ALMS1: variants seen among roughly 807,000 people sequenced by gnomAD.
ALMS1 encodes centrosome-associated protein ALMS1.
Under a neutral mutation model 352.2 loss-of-function variants are expected in ALMS1, and 271 were observed. That is an observed-to-expected ratio of 0.77 (90% confidence interval 0.70 to 0.85). The LOEUF is 0.85. Ranked by LOEUF, ALMS1 falls within the 40% of genes least tolerant of loss-of-function variation. The pLI is 0.00. For missense variants in ALMS1, 5,445 were observed against 4,870.7 expected (o/e 1.12, Z -3.51); for synonymous variants, 1,865 against 1,761.2 (o/e 1.06, Z -1.48).
At chr2:73,412,532 G>C (rs1039092135) in intron 2 of ALMS1, among the ~76,000 whole-genome samples, 1 of 152,184 alleles carries the variant, frequency 6.6e-6, no homozygotes, top group Non-Finnish European at 1.5e-5. Flanking sequence ...GCTCACGCCT[G>C]TAATCCCAGC....
rs1163258474 is a variant in ALMS1, at chr2:73,395,078, ATT to A, written c.324+8906_324+8907del. ...TATATGTGTATATATATATATATAT[ATT>A]TTTTTTTTTTTTTTTTTTTGAGACA... On this transcript the variant is annotated intron_variant, in intron 1 of 22. Transcript: ENST00000613296. Among the ~76,000 whole-genome samples, 304 of 101,282 alleles carry A rather than the reference ATT, an allele frequency of 3.0e-3. 1 individual carries two copies. Among genetic ancestry groups the A allele is most frequent in the African/African-American group, 0.011 (225 of 21,084 alleles). 66.4% of individuals were successfully genotyped at this position (101,282 alleles called of 152,430 possible). A position where few individuals can be genotyped will look rare whatever the true frequency, so the allele number is the denominator to read the frequency against.
chr2:73,484,624 C>T (rs1672785865), intron 9 of ALMS1, among the ~76,000 whole-genome samples: 1 of 151,728 alleles, frequency 6.6e-6, no homozygotes, highest in Non-Finnish European at 1.5e-5. Flanking sequence ...GTTGGCCTGC[C>T]TTGCTAGATT....
chr2:73,606,044 A>C (rs1675810224), intron 21 of ALMS1, among the ~76,000 whole-genome samples: 1 of 152,156 alleles, frequency 6.6e-6, no homozygotes. Flanking sequence ...ACAGAAGCAG[A>C]TACAAGTCCA....
chr2:73,545,923 G>A (rs1341455708), intron 12 of ALMS1, among the ~76,000 whole-genome samples: 1 of 152,126 alleles, frequency 6.6e-6, no homozygotes, highest in Non-Finnish European at 1.5e-5. Flanking sequence ...TTGTAGTGTA[G>A]GCATCTTATC....
intron 1 of ALMS1, 89 bp downstream of exon 1, chr2:73,386,281 C>G: frequency 7.1e-7 from 1 of 1,408,654 alleles, no homozygotes; most frequent in African/African-American, 1.5e-5. Context: ...CAGGTCACGC[C>G]GCCTGACGGA....
At chr2:73,459,937 C>T (rs753656648) in intron 9 of ALMS1, among the ~76,000 whole-genome samples, 7 of 152,062 alleles carry the variant, frequency 4.6e-5, no homozygotes, top group Non-Finnish European at 7.4e-5. Context: ...CACGCACCCC[C>T]CTCTCCCCTG....
At chr2:73,467,218 G>T (rs983366467) in intron 9 of ALMS1, among the ~76,000 whole-genome samples, 5 of 152,092 alleles carry the variant, frequency 3.3e-5, no homozygotes, top group African/African-American at 1.2e-4. Flanking sequence ...CAGTGGAAGA[G>T]GGTATTTCGG....
intron 9 of ALMS1, among the ~76,000 whole-genome samples, chr2:73,479,656 C>G (rs2103861274): frequency 6.6e-6 from 1 of 152,264 alleles, no homozygotes; most frequent in African/African-American, 2.4e-5. Context: ...CAGTTTTTGG[C>G]TTTACCAGTA....
In ALMS1 at chr2:73,602,260, C is replaced by CAGGAG; in HGVS notation, c.12195_12199dup (p.Lys4067ArgfsTer51). ...GATAAAGCGCCTGAAGTTAATAGTC[C>CAGGAG]AGGAGAGGAAGCTGCAGAGCATGTT... is the stretch of plus-strand genomic sequence containing the variant. On this transcript the variant is annotated frameshift_variant, in exon 20 of 23. Coordinates refer to ENST00000613296, the MANE Select transcript of ALMS1 (RefSeq NM_001378454.1). LOFTEE classifies it high-confidence loss of function. The CAGGAG allele has an allele frequency of 6.2e-7, 1 of 1,614,100 alleles. No individual in the cohort carries two copies. The highest frequency in any genetic ancestry group is 8.5e-7 in the Non-Finnish European group (1 of 1,180,010).
At chr2:73,479,631 A>G (rs774332993) in intron 9 of ALMS1, among the ~76,000 whole-genome samples, 26 of 152,208 alleles carry the variant, frequency 1.7e-4, no homozygotes, top group Non-Finnish European at 3.2e-4. Context: ...ATTGAAGGAC[A>G]TCTTGGTTGT....
chr2:73,608,119 A>G (rs932970002), intron 21 of ALMS1, among the ~76,000 whole-genome samples: 5 of 152,202 alleles, frequency 3.3e-5, no homozygotes, highest in Non-Finnish European at 5.9e-5. Context: ...TCCAAACACA[A>G]TAGTAACGCT....
chr2:73,601,744 C>T (rs1050557696), intron 19 of ALMS1, among the ~76,000 whole-genome samples: 4 of 152,228 alleles, frequency 2.6e-5, no homozygotes, highest in African/African-American at 7.2e-5. Flanking sequence ...GGAGGCCTGA[C>T]GCTTGTGCGG....
chr2:73,489,545 GT>G, intron 9 of ALMS1, 88 bp from the exon 10 acceptor site: 1 of 1,442,830 alleles, frequency 6.9e-7, no homozygotes, highest in South Asian at 1.2e-5. Context: ...TAATCTTAGC[GT>G]GGGTATAAAA....
At chr2:73,418,107 C>G (rs1558636746) in intron 2 of ALMS1, among the ~76,000 whole-genome samples, 1 of 152,010 alleles carries the variant, frequency 6.6e-6, no homozygotes, top group Non-Finnish European at 1.5e-5. Flanking sequence ...TTTCATTTTT[C>G]TAGTTATTTT....
intron 7 of ALMS1, among the ~76,000 whole-genome samples, chr2:73,441,027 A>G (rs1171996280): frequency 6.6e-6 from 1 of 152,106 alleles, no homozygotes; most frequent in Admixed American, 6.5e-5. Context: ...GGTCTTCCTC[A>G]AGGCCTGCTG....
chr2:73,398,348 A>G (rs867790851), intron 1 of ALMS1, among the ~76,000 whole-genome samples: 1 of 152,116 alleles, frequency 6.6e-6, no homozygotes, highest in Admixed American at 6.5e-5. Context: ...CAATGTGTCT[A>G]TTTCGTTGAT....
rs777048011 is a variant in ALMS1, at chr2:73,450,363, C to T, written c.3836C>T (p.Pro1279Leu). 9.3e-6 allele frequency: 15 copies of T among 1,612,994 alleles called. No homozygotes were observed. The highest frequency in any genetic ancestry group is 1.3e-5 in the African/African-American group (1 of 74,604). Residue 1279 changes from proline (P) to leucine (L), a missense_variant, in exon 8 of 23, where the codon CCA becomes CTA. Physicochemically the swap from Pro to Leu is moderately conservative, Grantham distance 98. Transcript: ENST00000613296. The part of the protein sequence containing the change: ...SEPVDQTTGT[P>L]AVTSTSYSQY... ...CCAGTTGACCAGACAACTGGCACAC[C>T]AGCTGTAACCTCTACTTCCTACTCA... is the stretch of plus-strand genomic sequence containing the variant.
At chr2:73,482,575 G>A (rs1212782477) in intron 9 of ALMS1, among the ~76,000 whole-genome samples, 1 of 152,174 alleles carries the variant, frequency 6.6e-6, no homozygotes, top group Non-Finnish European at 1.5e-5. Context: ...TTTGGTATCA[G>A]AATGATGCTG....
intron 11 of ALMS1, among the ~76,000 whole-genome samples, chr2:73,520,392 A>G (rs1429866411): frequency 1.3e-5 from 2 of 152,214 alleles, no homozygotes; most frequent in African/African-American, 4.8e-5. Context: ...TAGTGCGTAT[A>G]TAGGGAGAGT....
Sources: allele counts gnomAD v4.1 joint callset (sites outside exome capture counted in the v4.1 genomes callset), GRCh38; gene constraint gnomAD v4.1.1; transcripts MANE v1.5; gene names NCBI Gene and HGNC (gene_info 2026-07-23, HGNC 2026-07-21).